Variants in BRINP1 observed in about 807,000 individuals in gnomAD.
The protein encoded by BRINP1 is BMP/retinoic acid inducible neural specific 1.
BRINP1 carries 17 observed loss-of-function variants against 72.9 expected under a neutral mutation model. That is an observed-to-expected ratio of 0.23 (90% confidence interval 0.16 to 0.35). The LOEUF (loss-of-function observed/expected upper bound fraction) is 0.35. Ranked by LOEUF, BRINP1 falls within the 10% of genes least tolerant of loss-of-function variation. BRINP1 has a pLI of 1.00. For missense variants in BRINP1, 850 were observed against 1,001.6 expected (o/e 0.85, Z 2.04); for synonymous variants, 418 against 378.5 (o/e 1.10, Z -1.21).
At chr9:119,238,131 C>T (rs1830210353) in intron 5 of BRINP1, among the ~76,000 whole-genome samples, 1 of 152,054 alleles carries the variant, frequency 6.6e-6, no homozygotes, top group Non-Finnish European at 1.5e-5. Context: ...ACTTAGTCTT[C>T]ACATGTGAAA....
chr9:119,263,749 A>G (rs948993418), intron 2 of BRINP1, among the ~76,000 whole-genome samples: 2 of 151,716 alleles, frequency 1.3e-5, no homozygotes, highest in African/African-American at 4.8e-5. Context: ...CTGGGACTAC[A>G]GGTGCCCACT....
intron 2 of BRINP1, among the ~76,000 whole-genome samples, chr9:119,264,642 C>G (rs2118941170): frequency 6.6e-6 from 1 of 152,284 alleles, no homozygotes; most frequent in Middle Eastern, 3.4e-3. Context: ...TATGAACTTT[C>G]AGAAACTAGC....
At chr9:119,252,139 G>C (rs891520817) in intron 2 of BRINP1, among the ~76,000 whole-genome samples, 4 of 152,042 alleles carry the variant, frequency 2.6e-5, no homozygotes, top group Non-Finnish European at 5.9e-5. Context: ...GCTCTATGGA[G>C]ACATCCACAT....
At chr9:119,343,198 C>T (rs548058068) in intron 1 of BRINP1, among the ~76,000 whole-genome samples, 7 of 152,216 alleles carry the variant, frequency 4.6e-5, no homozygotes, top group South Asian at 4.2e-4. Flanking sequence ...CCAGGTGTGA[C>T]GGGAGAAGGA....
At chr9:119,265,818 C>T (rs1588183554) in intron 2 of BRINP1, among the ~76,000 whole-genome samples, 1 of 152,178 alleles carries the variant, frequency 6.6e-6, no homozygotes, top group East Asian at 1.9e-4. Flanking sequence ...GTGTACAGCT[C>T]ATTTTGCCAC....
intron 7 of BRINP1, among the ~76,000 whole-genome samples, chr9:119,204,991 A>G (rs963092245): frequency 6.6e-6 from 1 of 152,228 alleles, no homozygotes; most frequent in East Asian, 1.9e-4. Flanking sequence ...CATCTTCCAC[A>G]GACTTCAGCA....
At chr9:119,234,244 G>A (rs555669834) in intron 5 of BRINP1, among the ~76,000 whole-genome samples, 1 of 152,152 alleles carries the variant, frequency 6.6e-6, no homozygotes, top group South Asian at 2.1e-4. Context: ...TAAGCAATGT[G>A]CCTAAGTTCC....
At chr9:119,226,212 T>A (rs1830090670) in intron 5 of BRINP1, among the ~76,000 whole-genome samples, 1 of 151,940 alleles carries the variant, frequency 6.6e-6, no homozygotes, top group Admixed American at 6.6e-5. Context: ...AGTGGCCCAA[T>A]CATCTTAAAA....
intron 7 of BRINP1, among the ~76,000 whole-genome samples, chr9:119,171,702 C>T (rs1409198819): frequency 9.1e-6 from 1 of 109,706 alleles, no homozygotes; most frequent in Non-Finnish European, 1.8e-5. Context: ...CCACACCACA[C>T]CTATTCCAAA....
intron 7 of BRINP1, among the ~76,000 whole-genome samples, chr9:119,191,638 T>C (rs139185184): frequency 1.3e-5 from 2 of 152,018 alleles, no homozygotes; most frequent in Admixed American, 1.3e-4. Context: ...GAAAAGATAT[T>C]CTGTGTTCAT....
intron 2 of BRINP1, among the ~76,000 whole-genome samples, chr9:119,261,796 CCCTT>C (rs1830498270): frequency 6.6e-6 from 1 of 151,048 alleles, no homozygotes; most frequent in African/African-American, 2.4e-5. Flanking sequence ...CTTCCTCCCT[CCCTT>C]CCTTTCCTTT....
chr9:119,361,872 C>T (rs938053429), intron 1 of BRINP1, among the ~76,000 whole-genome samples: 13 of 144,720 alleles, frequency 9.0e-5, no homozygotes, highest in Non-Finnish European at 1.3e-4. Context: ...GGTGCGATCT[C>T]AGCTCACTGC....
Position 119,167,551 on chromosome 9 carries a change from G to T in BRINP1, c.1819C>A (p.Arg607=). The change falls in exon 8 of 8, where the codon CGG becomes AGG. Residue 607 remains arginine, a synonymous_variant. Transcript: ENST00000265922. The surrounding 1 kb of genome is among the most constrained non-coding windows in gnomAD (Gnocchi z 4.3). ...CYNWTLLLGN[R]WKTFFETVHI... ...ACCGTCTCGAAAAATGTTTTCCACC[G>T]ATTGCCCAGCAAAAGAGTCCAGTTG... The T allele has an allele frequency of 6.2e-7, 1 of 1,614,102 alleles. No homozygotes were observed. Among genetic ancestry groups the T allele is most frequent in the African/African-American group, 1.3e-5 (1 of 75,016 alleles).
intron 1 of BRINP1, among the ~76,000 whole-genome samples, chr9:119,330,189 C>T (rs2119011272): frequency 6.6e-6 from 1 of 152,250 alleles, no homozygotes; most frequent in East Asian, 1.9e-4. Flanking sequence ...CTTTCTCTGC[C>T]TTTTGCTAAA....
intron 4 of BRINP1, 78 bp downstream of exon 4, chr9:119,241,969 C>T: frequency 6.8e-7 from 1 of 1,462,214 alleles, no homozygotes; most frequent in Non-Finnish European, 9.4e-7. Context: ...TTACATCTGT[C>T]CATCCACTCT....
intron 7 of BRINP1, among the ~76,000 whole-genome samples, chr9:119,204,401 A>G (rs1214560474): frequency 1.3e-5 from 2 of 152,222 alleles, no homozygotes; most frequent in East Asian, 3.8e-4. Context: ...CCAAGTTTTA[A>G]TCAGCTATAA....
At chr9:119,302,133 T>A (rs1564242939) in intron 2 of BRINP1, among the ~76,000 whole-genome samples, 1 of 152,218 alleles carries the variant, frequency 6.6e-6, no homozygotes, top group African/African-American at 2.4e-5. Context: ...GGATGCTTGA[T>A]ATTTATTGGG....
At chr9:119,183,818 A>G (rs1377145153) in intron 7 of BRINP1, among the ~76,000 whole-genome samples, 3 of 152,122 alleles carry the variant, frequency 2.0e-5, no homozygotes, top group Admixed American at 6.6e-5. Flanking sequence ...TTGTAACGAT[A>G]TGAAAAAACT....
rs150261310 is a variant in BRINP1 at position 119,271,789 on chromosome 9, A to AT, written c.219-22640dup. Among the ~76,000 whole-genome samples, 381 of 151,044 alleles carry AT rather than the reference A, an allele frequency of 2.5e-3. 2 individuals are homozygous for AT. Among genetic ancestry groups the AT allele is most frequent in the African/African-American group, 8.8e-3 (363 of 41,264 alleles). ...ATTTGCCACTTCTTTGTCTTTTTTC[A>AT]TTTTTTTTTAAACACACAAACACGT... On this transcript the variant is annotated intron_variant, in intron 2 of 7. Coordinates refer to ENST00000265922, the MANE Select transcript of BRINP1 (RefSeq NM_014618.3).
Sources: allele counts gnomAD v4.1 joint callset (sites outside exome capture counted in the v4.1 genomes callset), GRCh38; gene constraint gnomAD v4.1.1; non-coding constraint Gnocchi (gnomAD v3.1); transcripts MANE v1.5; gene names NCBI Gene and HGNC (gene_info 2026-07-23, HGNC 2026-07-21).